Variants in SLC37A1 observed in about 807,000 individuals in gnomAD.
The protein encoded by SLC37A1 is solute carrier family 37 member 1.
SLC37A1 carries 49 observed loss-of-function variants against 75.3 expected under a neutral mutation model. The ratio of observed to expected loss-of-function variants is 0.65; its 90% CI spans 0.52 to 0.83. The LOEUF is 0.83. Among genes scored for constraint, SLC37A1 ranks in the 40% least tolerant of loss-of-function variants. The pLI, the probability that SLC37A1 is intolerant of heterozygous loss-of-function variation, is 0.00. For missense variants in SLC37A1, 566 were observed against 695.0 expected, an observed-to-expected ratio of 0.81 and a Z score of 2.09; for synonymous variants, 268 against 292.1, an observed-to-expected ratio of 0.92 and a Z score of 0.84.
At chr21:42,542,260 G>C in intron 6 of SLC37A1, 144 bp from the exon 7 acceptor site, 1 of 588,712 alleles carries the variant, frequency 1.7e-6, no homozygotes, top group East Asian at 2.9e-5. Context: ...AGTTTAAACT[G>C]TATATAAATA....
At chr21:42,563,783 C>T in intron 12 of SLC37A1, 32 bp from the exon 13 acceptor site, 1 of 1,610,226 alleles carries the variant, frequency 6.2e-7, no homozygotes, top group African/African-American at 1.3e-5. Context: ...AGGAGATCCT[C>T]ACTGTTTCAC....
At chr21:42,534,670 C>T (rs2055085296) in intron 3 of SLC37A1, 28 bp from the exon 4 acceptor site, 1 of 1,599,246 alleles carries the variant, frequency 6.3e-7, no homozygotes, top group Non-Finnish European at 8.5e-7. Context: ...CTTCCTCTCC[C>T]TGCTTCTGCC....
intron 6 of SLC37A1, among the ~76,000 whole-genome samples, chr21:42,542,016 A>G (rs1335536731): frequency 6.6e-6 from 1 of 152,238 alleles, no homozygotes; most frequent in East Asian, 1.9e-4. Context: ...TGCTAGAATT[A>G]CAGGCATGAG....
chr21:42,570,214 G>A (rs1255716383), intron 17 of SLC37A1, among the ~76,000 whole-genome samples: 1 of 129,292 alleles, frequency 7.7e-6, no homozygotes, highest in Non-Finnish European at 1.8e-5. Flanking sequence ...GAAGCGGCAG[G>A]CAGGGTGGCC....
At chr21:42,520,636 TGTGTGTGTGC>T (rs2054625985) in intron 2 of SLC37A1, among the ~76,000 whole-genome samples, 1 of 151,686 alleles carries the variant, frequency 6.6e-6, no homozygotes, top group South Asian at 2.1e-4. Context: ...TAGAGAAGGG[TGTGTGTGTGC>T]GTGTGTGTGG....
At chr21:42,570,701 A>G (rs530371639) in intron 17 of SLC37A1, among the ~76,000 whole-genome samples, 1 of 152,348 alleles carries the variant, frequency 6.6e-6, no homozygotes, top group South Asian at 2.1e-4. Flanking sequence ...TCAGCATAAA[A>G]AAAGAGAAGG....
chr21:42,532,422 A>G (rs944577534), intron 3 of SLC37A1, among the ~76,000 whole-genome samples: 2 of 152,176 alleles, frequency 1.3e-5, no homozygotes, highest in Non-Finnish European at 2.9e-5. Flanking sequence ...TCAGCCGGGG[A>G]ATGTCCTGTA....
At chr21:42,565,072 C>T (rs1203447760) in intron 14 of SLC37A1, among the ~76,000 whole-genome samples, 1 of 152,284 alleles carries the variant, frequency 6.6e-6, no homozygotes, top group Non-Finnish European at 1.5e-5. Flanking sequence ...AGCTCCTGCC[C>T]ATCCTTTGGG....
chr21:42,564,693 G>C lies in SLC37A1; in HGVS notation c.1136-15G>C. 6.2e-7 allele frequency: 1 copy of C among 1,608,696 alleles called. No individual in the cohort carries two copies. Among genetic ancestry groups the C allele is most frequent in the Non-Finnish European group, 8.5e-7 (1 of 1,178,150 alleles). On this transcript the variant is annotated splice_polypyrimidine_tract_variant and intron_variant, in intron 13 of 19. Transcript: ENST00000352133. ...CCTGGGACGTCAGTGCCTGAAGCCCGCCTCTCCGTTGCAGGTGGGATCCTG... is the reference window on the plus strand; with the variant it reads ...CCTGGGACGTCAGTGCCTGAAGCCCCCCTCTCCGTTGCAGGTGGGATCCTG...
At chr21:42,512,936 T>C (rs909963541), upstream of SLC37A1, among the ~76,000 whole-genome samples, 3 of 152,222 alleles carry the variant, frequency 2.0e-5, no homozygotes, top group Non-Finnish European at 4.4e-5. Flanking sequence ...AGAGGGAAGC[T>C]CAACGTGCCT....
chr21:42,514,247 A>T lies in SLC37A1; in HGVS notation c.-649A>T, dbSNP rs543877868. 2 of 151,820 alleles carry T rather than the reference A, an allele frequency of 1.3e-5. No homozygotes were observed. Among genetic ancestry groups the T allele is most frequent in the Non-Finnish European group, 2.9e-5 (2 of 67,932 alleles). 9.4% of individuals were successfully genotyped at this position (151,820 alleles called of 1,614,324 possible). A position where few individuals can be genotyped will look rare whatever the true frequency, so the allele number is the denominator to read the frequency against. On this transcript the variant is annotated 5_prime_UTR_variant, in exon 1 of 20. Transcript: ENST00000352133. The surrounding 1 kb of genome is among the most constrained non-coding windows in gnomAD (Gnocchi z 4.8). ...TGCCGGGCGTTCCCGGACCGGGGCA[A>T]CGCTGGGATTCCGGGGAAGTGGAGG...
At chr21:42,519,964 TTG>T (rs373950219) in intron 2 of SLC37A1, among the ~76,000 whole-genome samples, 9 of 148,546 alleles carry the variant, frequency 6.1e-5, no homozygotes, top group Non-Finnish European at 1.0e-4. Flanking sequence ...CACAGTGTGT[TTG>T]TGTGTGTGTG....
Position 42,563,477 on chromosome 21 carries a change from C to CGTGTGGTCAGACAGCAT in SLC37A1, c.1073-333_1073-332insGTCAGACAGCATGTGTG, listed in dbSNP as rs2055888539. Among the ~76,000 whole-genome samples the CGTGTGGTCAGACAGCAT allele has an allele frequency of 5.5e-5, 5 of 91,488 alleles. No homozygotes were observed. The South Asian group carries it at 1.3e-3, about 23-fold the overall frequency. The allele number at this position is 91,488 out of a possible 152,430, so 60.0% of individuals were successfully genotyped here. Reference sequence around the variant, plus strand: ...GTGTCCTCATCTGCAGTTCTAAAGCCGTGTGACAGGATGATCGAGCATCCA... The same window carrying CGTGTGGTCAGACAGCAT: ...GTGTCCTCATCTGCAGTTCTAAAGCCGTGTGGTCAGACAGCATGTGTGACAGGATGATCGAGCATCCA... On this transcript the variant is annotated intron_variant, in intron 12 of 19. Transcript: ENST00000352133.
Position 42,552,219 on chromosome 21 carries a change from T to C in SLC37A1, c.769-1843T>C, listed in dbSNP as rs545106714. On this transcript the variant is annotated intron_variant, in intron 9 of 19. Transcript: ENST00000352133. This position sits in a 1 kb window ranked among gnomAD's most constrained non-coding sequence, Gnocchi z 4.2. ...GTTACTTAGGTTTAGGATATCTATTTTGTGCCCTAATCTAGGACCTCATTG... is the reference window on the plus strand; with the variant it reads ...GTTACTTAGGTTTAGGATATCTATTCTGTGCCCTAATCTAGGACCTCATTG... Among the ~76,000 whole-genome samples the C allele has an allele frequency of 6.6e-6, 1 of 152,208 alleles. No individual in the cohort carries two copies. Among genetic ancestry groups the C allele is most frequent in the South Asian group, 2.1e-4 (1 of 4,830 alleles).
chr21:42,543,608 T>C lies in SLC37A1; in HGVS notation c.730+6T>C. ...CTTTCTCTTCCTCATTGAACGTAAG[T>C]GCACGTGGCCTTGGAGACCACCCAC... On this transcript the variant is annotated splice_donor_region_variant and intron_variant, in intron 8 of 19. Coordinates refer to ENST00000352133, the MANE Select transcript of SLC37A1 (RefSeq NM_001320537.2). The C allele has an allele frequency of 6.9e-6, 11 of 1,589,236 alleles. No individual in the cohort carries two copies. Among genetic ancestry groups the C allele is most frequent in the Non-Finnish European group, 9.4e-6 (11 of 1,165,960 alleles).
At chr21:42,553,950 C>A in intron 9 of SLC37A1, 112 bp from the exon 10 acceptor site, 1 of 740,470 alleles carries the variant, frequency 1.4e-6, no homozygotes, top group Non-Finnish European at 2.2e-6. Context: ...TGTCTTATGT[C>A]CTCTTGGTAG....
chr21:42,555,650 C>G lies in SLC37A1; in HGVS notation c.849+1508C>G, dbSNP rs189458232. On this transcript the variant is annotated intron_variant, in intron 10 of 19. Transcript: ENST00000352133. Reference sequence around the variant, plus strand: ...TCACCCCTCTCTGATGATACTGAAGCCTGCCACTTCTTCTGAATCAAGACC... The same window carrying G: ...TCACCCCTCTCTGATGATACTGAAGGCTGCCACTTCTTCTGAATCAAGACC... Among the ~76,000 whole-genome samples, 1,419 of 152,344 alleles carry G rather than the reference C, an allele frequency of 9.3e-3. 12 individuals carry two copies. The highest frequency in any genetic ancestry group is 0.012 in the Non-Finnish European group (835 of 68,036).
Position 42,563,889 on chromosome 21 carries a change from A to C in SLC37A1, c.1135+12A>C. 1.2e-6 allele frequency: 2 copies of C among 1,614,156 alleles called. No homozygotes were observed. Among genetic ancestry groups the C allele is most frequent in the Non-Finnish European group, 1.7e-6 (2 of 1,179,994 alleles). On this transcript the variant is annotated intron_variant, in intron 13 of 19. Coordinates refer to ENST00000352133, the MANE Select transcript of SLC37A1 (RefSeq NM_001320537.2). ...GGGCGGAATCTTTGGTGAGTTCATTAAGACTTGTTCTGCTGCAACAATAAT... is the reference window on the plus strand; with the variant it reads ...GGGCGGAATCTTTGGTGAGTTCATTCAGACTTGTTCTGCTGCAACAATAAT...
intron 9 of SLC37A1, among the ~76,000 whole-genome samples, chr21:42,549,923 AC>A (rs2055515568): frequency 6.6e-6 from 1 of 152,194 alleles, no homozygotes; most frequent in African/African-American, 2.4e-5. Context: ...ACCCCTGTGT[AC>A]CCATTACCCA....
Sources: gnomAD v4.1 joint callset for allele counts (sites outside exome capture counted in the v4.1 genomes callset) on GRCh38, gnomAD v4.1.1 for gene constraint, Gnocchi (gnomAD v3.1) non-coding constraint, MANE v1.5 for transcripts, NCBI Gene and HGNC (gene_info 2026-07-23, HGNC 2026-07-21) for gene names.